The following HIKESHI variants were observed in gnomAD, a reference collection of about 807,000 sequenced individuals.
HIKESHI encodes the protein protein Hikeshi.
HIKESHI carries 13 observed loss-of-function variants against 25.7 expected under a neutral mutation model. The observed-to-expected ratio is 0.51, with a 90% CI of 0.33 to 0.80. HIKESHI has a LOEUF of 0.80. Among genes scored for constraint, HIKESHI ranks in the 30% least tolerant of loss-of-function variants. HIKESHI has a pLI of 0.02. For synonymous variants in HIKESHI, 76 were observed against 78.7 expected (o/e 0.97, Z 0.18); for missense variants, 174 against 229.5 (o/e 0.76, Z 1.56).
At chr11:86,337,844 G>T (rs1947613231) in intron 3 of HIKESHI, among the ~76,000 whole-genome samples, 1 of 151,608 alleles carries the variant, frequency 6.6e-6, no homozygotes, top group South Asian at 2.1e-4. Context: ...TTTTTTTTTA[G>T]TAGAGACAGG....
intron 1 of HIKESHI, among the ~76,000 whole-genome samples, chr11:86,303,974 C>T (rs879463858): frequency 5.3e-5 from 8 of 152,082 alleles, no homozygotes; most frequent in Non-Finnish European, 8.8e-5. Flanking sequence ...AATAATTTCC[C>T]ATGCTTTTTA....
chr11:86,341,928 C>T (rs1033333617), intron 3 of HIKESHI, among the ~76,000 whole-genome samples: 6 of 152,102 alleles, frequency 3.9e-5, no homozygotes, highest in African/African-American at 7.2e-5. Context: ...AAAGATTTAT[C>T]GATGTTGATA....
At chr11:86,316,768 ATTCTTTTTTTTTTTTTT>A (rs1946991586) in intron 2 of HIKESHI, among the ~76,000 whole-genome samples, 1 of 83,496 alleles carries the variant, frequency 1.2e-5, no homozygotes, top group African/African-American at 4.6e-5. Flanking sequence ...AATCTGAAAC[ATTCTTTTTTTTTTTTTT>A]TTTTTTTTTT....
At chr11:86,313,324 G>A (rs1163235458) in intron 2 of HIKESHI, among the ~76,000 whole-genome samples, 1 of 152,072 alleles carries the variant, frequency 6.6e-6, no homozygotes, top group African/African-American at 2.4e-5. Flanking sequence ...TCCACCTCCC[G>A]GGTTCAAGTG....
intron 2 of HIKESHI, among the ~76,000 whole-genome samples, chr11:86,335,578 C>G (rs4424696): frequency 0.61 from 92,968 of 152,026 alleles, 28,643 homozygotes; most frequent in East Asian, 0.79. Flanking sequence ...AACTGCCTGG[C>G]TGAATACTAA....
At chr11:86,324,965 G>A (rs2138363400) in intron 2 of HIKESHI, among the ~76,000 whole-genome samples, 1 of 152,158 alleles carries the variant, frequency 6.6e-6, no homozygotes, top group African/African-American at 2.4e-5. Context: ...GATCACTTGA[G>A]CCAAGGAGTT....
At chr11:86,338,993 A>G (rs1238509430) in intron 3 of HIKESHI, among the ~76,000 whole-genome samples, 1 of 152,192 alleles carries the variant, frequency 6.6e-6, no homozygotes, top group Non-Finnish European at 1.5e-5. Context: ...AGTAACTTAT[A>G]TTTTCCACAA....
intron 2 of HIKESHI, among the ~76,000 whole-genome samples, chr11:86,328,482 T>A (rs2600950): frequency 0.71 from 105,419 of 149,194 alleles, 37,579 homozygotes; most frequent in East Asian, 0.82. Context: ...CCGAGGCTGG[T>A]GTGCAGTGGC....
intron 3 of HIKESHI, among the ~76,000 whole-genome samples, chr11:86,338,490 T>A (rs1947630619): frequency 6.6e-6 from 1 of 152,200 alleles, no homozygotes; most frequent in Non-Finnish European, 1.5e-5. Flanking sequence ...GTCTCCTGAT[T>A]TCTTCTTGCT....
intron 2 of HIKESHI, chr11:86,324,175 C>T (rs1421416135): frequency 6.6e-6 from 1 of 152,074 alleles, no homozygotes; most frequent in Non-Finnish European, 1.5e-5. Flanking sequence ...AGGAGGGCAC[C>T]ATATTGCTAC....
intron 2 of HIKESHI, among the ~76,000 whole-genome samples, chr11:86,325,079 G>T (rs1947239725): frequency 6.6e-6 from 1 of 151,960 alleles, no homozygotes; most frequent in Non-Finnish European, 1.5e-5. Context: ...TTGGGAGGCT[G>T]AAGTGGAAGG....
At chr11:86,344,938 G>T in intron 4 of HIKESHI, 1 of 528,144 alleles carries the variant, frequency 1.9e-6, no homozygotes, top group Non-Finnish European at 3.1e-6. Flanking sequence ...TATAAAGACA[G>T]GAAAATATAG....
chr11:86,303,914 CACTT>C (rs747949189), intron 1 of HIKESHI, among the ~76,000 whole-genome samples: 1 of 152,066 alleles, frequency 6.6e-6, no homozygotes, highest in Non-Finnish European at 1.5e-5. Context: ...ACAAAGTTGA[CACTT>C]AAGAAATATT....
chr11:86,334,272 G>T (rs1463507451), intron 2 of HIKESHI, among the ~76,000 whole-genome samples: 1 of 148,574 alleles, frequency 6.7e-6, no homozygotes, highest in African/African-American at 2.5e-5. Flanking sequence ...GTGTGTGTGT[G>T]TAAAGTTTCC....
At chr11:86,316,826 C>T (rs960416124) in intron 2 of HIKESHI, among the ~76,000 whole-genome samples, 6 of 103,510 alleles carry the variant, frequency 5.8e-5, no homozygotes, top group South Asian at 3.4e-4. Flanking sequence ...CAGAGTCTCG[C>T]TCTGTTGCCC....
In HIKESHI at chr11:86,345,710, T is replaced by C. The variant is rs1043310883; in HGVS notation, c.*72T>C. The C allele has an allele frequency of 2.2e-6, 2 of 913,510 alleles. No homozygotes were observed. The highest frequency in any genetic ancestry group is 5.2e-5 in the East Asian group (2 of 38,490). The allele number at this position is 913,510 out of a possible 1,614,324, so 56.6% of individuals were successfully genotyped here. ...GAAGATAACTGACTCCATCTAAAAG[T>C]ATGAGGTCAAAGGATCACGAAACCT... On this transcript the variant is annotated 3_prime_UTR_variant, in exon 5 of 5. Coordinates refer to ENST00000278483, the MANE Select transcript of HIKESHI (RefSeq NM_016401.4).
At chr11:86,345,276 A>T in intron 4 of HIKESHI, 1 of 403,650 alleles carries the variant, frequency 2.5e-6, no homozygotes, top group Non-Finnish European at 3.7e-6. Flanking sequence ...ATGAGGAAAT[A>T]GGAGTTGAAT....
chr11:86,333,782 G>GAAAA (rs367720229), intron 2 of HIKESHI, among the ~76,000 whole-genome samples: 2 of 148,490 alleles, frequency 1.3e-5, no homozygotes, highest in African/African-American at 4.9e-5. Flanking sequence ...GTATAGGAAT[G>GAAAA]AAAAAAAAAA....
At position 86,344,550 on chromosome 11, in the gene HIKESHI, A is replaced by G; in HGVS notation, c.421-53A>G. ...GAACACTTTTAATTTAAAAATATTG[A>G]GTTCTAAATGAAGTATTCAGTATAA... On this transcript the variant is annotated intron_variant, in intron 3 of 4. Coordinates refer to ENST00000278483, the MANE Select transcript of HIKESHI (RefSeq NM_016401.4). 3.0e-6 allele frequency: 3 copies of G among 1,009,512 alleles called. No individual in the cohort carries two copies. In the South Asian group the frequency reaches 4.9e-5, roughly 17 times the overall value. 62.5% of individuals were successfully genotyped at this position (1,009,512 alleles called of 1,614,324 possible).
Sources: gnomAD v4.1 joint callset for allele counts (sites outside exome capture counted in the v4.1 genomes callset) on GRCh38, gnomAD v4.1.1 for gene constraint, MANE v1.5 for transcripts, NCBI Gene and HGNC (gene_info 2026-07-23, HGNC 2026-07-21) for gene names.